TLK1: variants seen among roughly 807,000 people sequenced by gnomAD.
The protein encoded by TLK1 is tousled like kinase 1, also known as serine/threonine-protein kinase tousled-like 1.
Under a neutral mutation model 105.3 loss-of-function variants are expected in TLK1, and 24 were observed. The observed-to-expected ratio is 0.23, with a 90% CI of 0.17 to 0.32. TLK1 has a LOEUF of 0.32. Among genes scored for constraint, TLK1 ranks in the 10% least tolerant of loss-of-function variants. The pLI, the probability that TLK1 is intolerant of heterozygous loss-of-function variation, is 1.00. For synonymous variants in TLK1, 321 were observed against 310.4 expected, an observed-to-expected ratio of 1.03 and a Z score of -0.36; for missense variants, 558 against 910.5, an observed-to-expected ratio of 0.61 and a Z score of 4.98.
Position 171,006,860 on chromosome 2 carries a change from T to G in TLK1, c.1538A>C (p.Lys513Thr). 6.2e-7 allele frequency: 1 copy of G among 1,613,190 alleles called. No individual in the cohort carries two copies. The highest frequency in any genetic ancestry group is 8.5e-7 in the Non-Finnish European group (1 of 1,179,400). The change falls in exon 16 of 21, where the codon AAA becomes ACA. Residue 513 changes from lysine (K) to threonine (T), a missense_variant. By Grantham distance (78) the Lys-to-Thr change is moderately conservative. This residue lies in a region of TLK1 where 218 missense variants were observed against 492.9 expected (regional missense o/e 0.44). Transcript: ENST00000431350. ...KHACREYRIH[K>T]ELDHPRIVKL... ...AACTATTCTGGGGTGATCCAGTTCT[T>G]TGTGTATTCTATACTCTCTGCAGGC...
intron 3 of TLK1, among the ~76,000 whole-genome samples, chr2:171,071,156 A>G (rs2356597): frequency 0.57 from 87,230 of 152,030 alleles, 26,918 homozygotes; most frequent in East Asian, 0.95. Flanking sequence ...TGAGCTCCTC[A>G]TATATTCTAG....
chr2:171,031,079 A>G (rs1017700958), intron 11 of TLK1, among the ~76,000 whole-genome samples: 2 of 151,960 alleles, frequency 1.3e-5, no homozygotes, highest in East Asian at 1.9e-4. Context: ...TTACATATAT[A>G]TAATTTTGGG....
intron 1 of TLK1, among the ~76,000 whole-genome samples, chr2:171,120,525 A>T (rs1690612567): frequency 6.6e-6 from 1 of 152,226 alleles, no homozygotes; most frequent in African/African-American, 2.4e-5. Flanking sequence ...AATGACCAAT[A>T]AGCACATGAA....
At chr2:171,024,673 T>C (rs1286143505) in intron 12 of TLK1, among the ~76,000 whole-genome samples, 1 of 152,180 alleles carries the variant, frequency 6.6e-6, no homozygotes, top group Non-Finnish European at 1.5e-5. Context: ...GGAGTGGGAA[T>C]GGTTCAAGTT....
At chr2:171,192,011 T>C (rs1389943363) in intron 1 of TLK1, among the ~76,000 whole-genome samples, 1 of 152,110 alleles carries the variant, frequency 6.6e-6, no homozygotes, top group African/African-American at 2.4e-5. Flanking sequence ...TTGAAAATTT[T>C]TGCCCTAAAT....
chr2:171,116,045 T>C (rs1215052839), intron 2 of TLK1, among the ~76,000 whole-genome samples: 1 of 152,226 alleles, frequency 6.6e-6, no homozygotes, highest in Non-Finnish European at 1.5e-5. Flanking sequence ...AAAAGGTCTA[T>C]TTGACCCAAA....
At chr2:171,061,416 T>C (rs1687742473) in intron 3 of TLK1, among the ~76,000 whole-genome samples, 1 of 152,164 alleles carries the variant, frequency 6.6e-6, no homozygotes, top group Non-Finnish European at 1.5e-5. Context: ...GGATGAAAAA[T>C]CCTAGAATAA....
At chr2:171,015,069 C>A in intron 12 of TLK1, 121 bp from the exon 13 acceptor site, 2 of 726,954 alleles carry the variant, frequency 2.8e-6, no homozygotes, top group Non-Finnish European at 2.3e-6. Context: ...AAAGTACCAC[C>A]GAGTTAAAAG....
intron 1 of TLK1, among the ~76,000 whole-genome samples, chr2:171,214,840 T>C (rs905724591): frequency 8.5e-5 from 13 of 152,224 alleles, no homozygotes; most frequent in African/African-American, 2.9e-4. Flanking sequence ...CCTCAAGGTC[T>C]TCCAGCTAAA....
rs538060678 is a variant in TLK1, at chr2:171,157,086, T to C, written c.139+3204A>G. On this transcript the variant is annotated intron_variant, in intron 1 of 20. Transcript: ENST00000431350. ...CTCCCAAAGTGCTGGGATTACAGGC[T>C]TGAGCCACCACTCCTGGCCCATACA... Among the ~76,000 whole-genome samples the C allele has an allele frequency of 4.6e-5, 7 of 152,276 alleles. No homozygotes were observed. The East Asian group carries it at 1.2e-3, about 25-fold the overall frequency.
At chr2:171,156,606 G>A (rs1692244231) in intron 1 of TLK1, among the ~76,000 whole-genome samples, 3 of 152,116 alleles carry the variant, frequency 2.0e-5, no homozygotes, top group Admixed American at 2.0e-4. Context: ...CATTGTAAAG[G>A]AGACATCTGT....
chr2:171,053,905 C>T, intron 7 of TLK1, 52 bp from the exon 8 acceptor site: 1 of 1,328,870 alleles, frequency 7.5e-7, no homozygotes, highest in Non-Finnish European at 1.0e-6. Context: ...TTGTTTCAAG[C>T]AAACATAAAA....
chr2:171,227,568 CTTTTTTTTTTTTTTTTTTT>C (rs71401413), intron 1 of TLK1, among the ~76,000 whole-genome samples: 2 of 55,500 alleles, frequency 3.6e-5, no homozygotes, highest in African/African-American at 1.3e-4. Flanking sequence ...AGTAAATCTC[CTTTTTTTTTTTTTTTTTTT>C]TTTTTTTTTT....
intron 11 of TLK1, among the ~76,000 whole-genome samples, chr2:171,035,036 TG>T (rs1347695620): frequency 2.0e-5 from 3 of 151,994 alleles, no homozygotes; most frequent in Non-Finnish European, 2.9e-5. Flanking sequence ...CAAGATCTGA[TG>T]GCTTTAAAAA....
chr2:171,188,014 G>A (rs1420589432), intron 1 of TLK1, among the ~76,000 whole-genome samples: 1 of 152,178 alleles, frequency 6.6e-6, no homozygotes, highest in African/African-American at 2.4e-5. Flanking sequence ...GGAGGGGCAA[G>A]GAGCAGGAAT....
Position 171,160,206 on chromosome 2 carries a change from G to A in TLK1, c.139+84C>T, listed in dbSNP as rs1692412820. ...CCAGGGTCTGGCGGAGAAGCCCCGG[G>A]GCGGGGGGGGCGGGGGGGGGGCGCG... is the stretch of plus-strand genomic sequence containing the variant. On this transcript the variant is annotated intron_variant, in intron 1 of 20. Coordinates refer to ENST00000431350, the MANE Select transcript of TLK1 (RefSeq NM_012290.5). This position sits in a 1 kb window ranked among gnomAD's most constrained non-coding sequence, Gnocchi z 4.4. 8.0e-7 allele frequency: 1 copy of A among 1,256,094 alleles called. No individual in the cohort carries two copies. Among genetic ancestry groups the A allele is most frequent in the Non-Finnish European group, 1.0e-6 (1 of 995,080 alleles). 77.8% of individuals were successfully genotyped at this position (1,256,094 alleles called of 1,614,324 possible).
In TLK1 at chr2:171,053,764, G is replaced by A; in HGVS notation, c.729C>T (p.Leu243=). 3 of 1,601,936 alleles carry A rather than the reference G, an allele frequency of 1.9e-6. No homozygotes were observed. Among genetic ancestry groups the A allele is most frequent in the Non-Finnish European group, 2.6e-6 (3 of 1,174,546 alleles). ...CCCTCTATGACTCATTACTTACCCT[G>A]AGCAAATCATCTATACGTCCCTCCT... ...EKKEGRIDDL[L]RANCDLRRQI... is the part of the protein sequence containing the mutation. Residue 243 remains leucine (L), a synonymous_variant, in exon 8 of 21, where the codon CTC becomes CTT. Coordinates refer to ENST00000431350, the MANE Select transcript of TLK1 (RefSeq NM_012290.5).
At chr2:171,172,346 T>G (rs1172881182) in intron 1 of TLK1, among the ~76,000 whole-genome samples, 4 of 152,206 alleles carry the variant, frequency 2.6e-5, no homozygotes. Context: ...TTTGTGGAAA[T>G]TCATCAAGCT....
At chr2:171,097,511 A>C (rs542635912) in intron 2 of TLK1, among the ~76,000 whole-genome samples, 3 of 152,390 alleles carry the variant, frequency 2.0e-5, no homozygotes, top group African/African-American at 4.8e-5. Context: ...ACAGAAGAAG[A>C]ACCAATCAAC....
Sources: allele counts gnomAD v4.1 joint callset (sites outside exome capture counted in the v4.1 genomes callset), GRCh38; gene constraint gnomAD v4.1.1; regional missense constraint gnomAD v4.1.1; non-coding constraint Gnocchi (gnomAD v3.1); transcripts MANE v1.5; gene names NCBI Gene and HGNC (gene_info 2026-07-23, HGNC 2026-07-21).